PRKN: variants seen among roughly 807,000 people sequenced by gnomAD.
The protein encoded by PRKN is E3 ubiquitin-protein ligase parkin.
A neutral mutation model predicts 59.5 loss-of-function variants in PRKN; 56 were observed. The observed-to-expected ratio is 0.94, with a 90% CI of 0.76 to 1.18. The LOEUF (loss-of-function observed/expected upper bound fraction) is 1.18, where lower values mean the gene tolerates loss of function less well. PRKN is among the 50% of genes most tolerant of loss of function. PRKN has a pLI of 0.00. For synonymous variants in PRKN, 250 were observed against 222.1 expected, an observed-to-expected ratio of 1.13 and a Z score of -1.12; for missense variants, 657 against 596.4, an observed-to-expected ratio of 1.10 and a Z score of -1.06.
At chr6:162,009,508 G>T (rs1209949400) in intron 5 of PRKN, among the ~76,000 whole-genome samples, 2 of 151,808 alleles carry the variant, frequency 1.3e-5, no homozygotes, top group Non-Finnish European at 1.5e-5. Context: ...AAAAAAGGAG[G>T]TAAAAAGATG....
intron 9 of PRKN, among the ~76,000 whole-genome samples, chr6:161,514,095 T>G (rs1172163038): frequency 6.6e-6 from 1 of 151,468 alleles, no homozygotes. Flanking sequence ...TATTTCCTGG[T>G]GCAACTAGGA....
intron 7 of PRKN, among the ~76,000 whole-genome samples, chr6:161,587,643 A>ATTT (rs1781567112): frequency 6.6e-6 from 1 of 151,576 alleles, no homozygotes; most frequent in African/African-American, 2.4e-5. Context: ...TTTTTTTTTA[A>ATTT]AAAAAAACTT....
At chr6:161,779,053 C>T (rs1270444504) in intron 7 of PRKN, among the ~76,000 whole-genome samples, 1 of 152,080 alleles carries the variant, frequency 6.6e-6, no homozygotes, top group Non-Finnish European at 1.5e-5. Context: ...GATTCTCCTG[C>T]CTCAGCCTCC....
intron 1 of PRKN, among the ~76,000 whole-genome samples, chr6:162,581,552 G>A (rs1421101713): frequency 1.3e-5 from 2 of 152,248 alleles, no homozygotes; most frequent in African/African-American, 2.4e-5. Context: ...CCTGAGGTCA[G>A]GAGTTCGGGA....
chr6:162,236,409 C>T (rs917338367), intron 3 of PRKN, among the ~76,000 whole-genome samples: 2 of 152,134 alleles, frequency 1.3e-5, no homozygotes, highest in African/African-American at 4.8e-5. Flanking sequence ...GGGTAAAACC[C>T]TCTCTCATTT....
chr6:162,261,292 C>CCTGTGT (rs915965976), intron 3 of PRKN, among the ~76,000 whole-genome samples: 2 of 152,088 alleles, frequency 1.3e-5, no homozygotes, highest in Non-Finnish European at 2.9e-5. Context: ...TAGAGCTTTT[C>CCTGTGT]CTGTGTCTAC....
At chr6:162,172,198 T>G (rs2128319979) in intron 4 of PRKN, among the ~76,000 whole-genome samples, 1 of 152,290 alleles carries the variant, frequency 6.6e-6, no homozygotes, top group East Asian at 1.9e-4. Flanking sequence ...TCTAAGTAAC[T>G]AAATGACAGA....
At chr6:162,638,052 T>C (rs1206153179) in intron 1 of PRKN, among the ~76,000 whole-genome samples, 1 of 152,150 alleles carries the variant, frequency 6.6e-6, no homozygotes, top group Non-Finnish European at 1.5e-5. Context: ...GTTTCTTTCA[T>C]AGTTTCATTT....
At chr6:162,577,450 A>G (rs1253255851) in intron 1 of PRKN, among the ~76,000 whole-genome samples, 3 of 151,822 alleles carry the variant, frequency 2.0e-5, no homozygotes, top group Non-Finnish European at 4.4e-5. Context: ...AAATACAAAA[A>G]TTATTCAGGT....
At chr6:162,420,330 G>A (rs1241467132) in intron 2 of PRKN, among the ~76,000 whole-genome samples, 1 of 152,078 alleles carries the variant, frequency 6.6e-6, no homozygotes, top group Non-Finnish European at 1.5e-5. Context: ...AAAATTTTAG[G>A]CACAAATTTA....
At chr6:162,443,196 C>T in intron 2 of PRKN, 114 bp downstream of exon 2, 1 of 1,087,560 alleles carries the variant, frequency 9.2e-7, no homozygotes, top group Non-Finnish European at 1.4e-6. Context: ...TCAAGGAATC[C>T]CCAGGCACTA....
intron 1 of PRKN, among the ~76,000 whole-genome samples, chr6:162,650,336 G>A (rs887605435): frequency 6.6e-6 from 1 of 152,062 alleles, no homozygotes; most frequent in South Asian, 2.1e-4. Context: ...GGTGGCTCAC[G>A]CCTGTAATCC....
chr6:162,690,053 T>C lies in PRKN; in HGVS notation c.7+37609A>G, dbSNP rs1264889582. Among the ~76,000 whole-genome samples, 5 of 152,186 alleles carry C rather than the reference T, an allele frequency of 3.3e-5. No homozygotes were observed. The East Asian group carries it at 9.6e-4, about 29-fold the overall frequency. On this transcript the variant is annotated intron_variant, in intron 1 of 11. Coordinates refer to ENST00000366898, the MANE Select transcript of PRKN (RefSeq NM_004562.3). The stretch of plus-strand genomic sequence containing the variant: ...ATGTGGGTTAAATAAGAGCATTGAT[T>C]TATTTTCTTGAAGATATATTGTTAT...
intron 4 of PRKN, among the ~76,000 whole-genome samples, chr6:162,161,046 A>C (rs1289693220): frequency 4.6e-5 from 7 of 151,820 alleles, no homozygotes; most frequent in Non-Finnish European, 1.0e-4. Flanking sequence ...GACCACCACC[A>C]CCCCCTGCAT....
In PRKN at chr6:161,741,698, T is replaced by C. The variant is rs117317868; in HGVS notation, c.871+44074A>G. Among the ~76,000 whole-genome samples the C allele has an allele frequency of 2.2e-4, 33 of 150,508 alleles. No individual in the cohort carries two copies. In the East Asian group the frequency reaches 5.3e-3, roughly 24 times the overall value. ...ATCCTCTGTTGAATACACAAGCAGA[T>C]TGATTGCATTCAACCTCTTTGTCTC... On this transcript the variant is annotated intron_variant, in intron 7 of 11. Coordinates refer to ENST00000366898, the MANE Select transcript of PRKN (RefSeq NM_004562.3).
At chr6:162,418,891 C>G (rs369328046) in intron 2 of PRKN, among the ~76,000 whole-genome samples, 10 of 151,958 alleles carry the variant, frequency 6.6e-5, no homozygotes, top group African/African-American at 2.4e-4. Flanking sequence ...CTAGAATCAT[C>G]TGCGAGGGTG....
chr6:162,158,843 G>A (rs1434757530), intron 4 of PRKN, among the ~76,000 whole-genome samples: 3 of 151,888 alleles, frequency 2.0e-5, no homozygotes, highest in African/African-American at 4.9e-5. Context: ...AACGAGTCTC[G>A]TATGAGCAGT....
intron 6 of PRKN, among the ~76,000 whole-genome samples, chr6:161,799,903 G>A (rs1260972326): frequency 6.6e-6 from 1 of 152,108 alleles, no homozygotes; most frequent in Non-Finnish European, 1.5e-5. Flanking sequence ...AGGAATGCTG[G>A]GCATTTGTGA....
chr6:161,985,194 A>G (rs1450278690), intron 5 of PRKN, among the ~76,000 whole-genome samples: 4 of 152,172 alleles, frequency 2.6e-5, no homozygotes, highest in Admixed American at 2.6e-4. Flanking sequence ...GCCTAGCCCG[A>G]CAATAAAAGA....
Sources: gnomAD v4.1 joint callset for allele counts (sites outside exome capture counted in the v4.1 genomes callset) on GRCh38, gnomAD v4.1.1 for gene constraint, MANE v1.5 for transcripts, NCBI Gene and HGNC (gene_info 2026-07-23, HGNC 2026-07-21) for gene names.